MAGI3: variants seen among roughly 807,000 people sequenced by gnomAD.
MAGI3 encodes the protein membrane-associated guanylate kinase, WW and PDZ domain-containing protein 3.
MAGI3 carries 43 observed loss-of-function variants against 121.8 expected under a neutral mutation model. That is an observed-to-expected ratio of 0.35 (90% confidence interval 0.28 to 0.46). MAGI3 has a LOEUF of 0.46. Ranked by LOEUF, MAGI3 falls within the 20% of genes least tolerant of loss-of-function variation. The pLI, the probability that MAGI3 is intolerant of heterozygous loss-of-function variation, is 1.00. For synonymous variants in MAGI3, 553 were observed against 639.3 expected (o/e 0.86, Z 2.04); for missense variants, 1,547 against 1,797.3 (o/e 0.86, Z 2.52).
intron 6 of MAGI3, among the ~76,000 whole-genome samples, chr1:113,607,055 C>T (rs1287018955): frequency 1.3e-5 from 2 of 152,106 alleles, no homozygotes; most frequent in East Asian, 3.8e-4. Flanking sequence ...TCACTACACA[C>T]TTGGATTATT....
At chr1:113,406,620 A>G (rs549473275) in intron 1 of MAGI3, among the ~76,000 whole-genome samples, 12 of 152,210 alleles carry the variant, frequency 7.9e-5, no homozygotes, top group South Asian at 6.2e-4. Flanking sequence ...ATCCAATATT[A>G]AAGTATTAAA....
intron 1 of MAGI3, among the ~76,000 whole-genome samples, chr1:113,490,475 C>T (rs1225772018): frequency 1.3e-5 from 2 of 152,102 alleles, no homozygotes; most frequent in Non-Finnish European, 2.9e-5. Flanking sequence ...AACTACATAA[C>T]AAGTCTGAAA....
chr1:113,637,172 A>T (rs1053694233), intron 9 of MAGI3, among the ~76,000 whole-genome samples: 32 of 151,850 alleles, frequency 2.1e-4, no homozygotes, highest in African/African-American at 7.7e-4. Context: ...ATGGGTCTTG[A>T]CTCTTTATCC....
intron 1 of MAGI3, among the ~76,000 whole-genome samples, chr1:113,494,319 C>T (rs1173906436): frequency 3.3e-5 from 5 of 152,020 alleles, no homozygotes; most frequent in South Asian, 2.1e-4. Context: ...GATGAGAACA[C>T]GTGGACACGG....
chr1:113,618,119 A>C (rs1345327466), intron 7 of MAGI3, among the ~76,000 whole-genome samples: 1 of 152,092 alleles, frequency 6.6e-6, no homozygotes, highest in African/African-American at 2.4e-5. Context: ...AATGTTTACA[A>C]ATGGCAAAGC....
intron 7 of MAGI3, among the ~76,000 whole-genome samples, chr1:113,615,845 TC>T (rs1650426758): frequency 6.6e-6 from 1 of 152,202 alleles, no homozygotes; most frequent in Non-Finnish European, 1.5e-5. Flanking sequence ...TATTATTTTT[TC>T]CTAAGACTTA....
At chr1:113,669,251 G>A (rs1045945011) in intron 16 of MAGI3, among the ~76,000 whole-genome samples, 2 of 152,176 alleles carry the variant, frequency 1.3e-5, no homozygotes, top group African/African-American at 4.8e-5. Context: ...AAGCAAATGT[G>A]GAAGAACTTA....
intron 1 of MAGI3, among the ~76,000 whole-genome samples, chr1:113,423,810 T>C (rs1175370073): frequency 6.7e-6 from 1 of 148,490 alleles, no homozygotes; most frequent in Admixed American, 6.7e-5. Flanking sequence ...GGAATCTGTC[T>C]GCCAGGAGCC....
At chr1:113,403,949 A>T (rs771613141) in intron 1 of MAGI3, 1 of 152,178 alleles carries the variant, frequency 6.6e-6, no homozygotes, top group Non-Finnish European at 1.5e-5. Flanking sequence ...TAGTATATTA[A>T]TTACAATTTA....
At position 113,562,541 on chromosome 1, in the gene MAGI3, A is replaced by G. The variant is rs1026404402; in HGVS notation, c.433+12910A>G. Among the ~76,000 whole-genome samples the G allele has an allele frequency of 4.6e-5, 7 of 152,250 alleles. No homozygotes were observed. In the South Asian group the frequency reaches 1.4e-3, roughly 31 times the overall value. ...TCAGTGCTATTCCCATTAAACTAAC[A>G]TTGACATTCTTCACAGAATTAGAAA... On this transcript the variant is annotated intron_variant, in intron 2 of 20. Transcript: ENST00000307546.
At chr1:113,635,302 C>T (rs920672705) in intron 9 of MAGI3, among the ~76,000 whole-genome samples, 17 of 152,232 alleles carry the variant, frequency 1.1e-4, no homozygotes, top group Non-Finnish European at 1.8e-4. Flanking sequence ...CCTGTCTTGG[C>T]GAGTTTTCAA....
chr1:113,685,067 T>G lies in MAGI3; in HGVS notation c.*1053T>G, dbSNP rs1280464036. 6.6e-6 allele frequency: 1 copy of G among 152,356 alleles called. No individual in the cohort carries two copies. Among genetic ancestry groups the G allele is most frequent in the African/African-American group, 2.4e-5 (1 of 41,456 alleles). The allele number at this position is 152,356 out of a possible 1,614,324, so 9.4% of individuals were successfully genotyped here. ...CAAGCTTGGGTGTTTAAAAACAACC[T>G]GTGTAGGGTATGCCCAGCAAATGAG... On this transcript the variant is annotated 3_prime_UTR_variant, in exon 21 of 21. Transcript: ENST00000307546.
intron 1 of MAGI3, among the ~76,000 whole-genome samples, chr1:113,512,812 A>G (rs1657686388): frequency 1.3e-5 from 2 of 152,176 alleles, no homozygotes; most frequent in East Asian, 1.9e-4. Context: ...AGGGTATTCA[A>G]TTAGGAAAAG....
At chr1:113,483,021 C>G (rs958092867) in intron 1 of MAGI3, among the ~76,000 whole-genome samples, 16 of 151,978 alleles carry the variant, frequency 1.1e-4, no homozygotes, top group Non-Finnish European at 2.1e-4. Flanking sequence ...TTGCCACTTT[C>G]TGTTTTCGAA....
intron 9 of MAGI3, among the ~76,000 whole-genome samples, chr1:113,640,307 T>C (rs1652375022): frequency 6.6e-6 from 1 of 152,214 alleles, no homozygotes; most frequent in East Asian, 1.9e-4. Flanking sequence ...TCAATTAATG[T>C]GGAAGACAGT....
At chr1:113,653,113 G>T (rs1477505264) in intron 14 of MAGI3, among the ~76,000 whole-genome samples, 1 of 152,166 alleles carries the variant, frequency 6.6e-6, no homozygotes, top group Non-Finnish European at 1.5e-5. Context: ...TTATAATGGG[G>T]CAGCATTTCT....
At chr1:113,482,186 A>G (rs925268726) in intron 1 of MAGI3, among the ~76,000 whole-genome samples, 1 of 152,118 alleles carries the variant, frequency 6.6e-6, no homozygotes, top group East Asian at 1.9e-4. Context: ...GATACTCAGA[A>G]GACAGGAGAG....
At chr1:113,482,510 T>A (rs1025106971) in intron 1 of MAGI3, among the ~76,000 whole-genome samples, 1 of 151,998 alleles carries the variant, frequency 6.6e-6, no homozygotes, top group Non-Finnish European at 1.5e-5. Context: ...CTAATTTTTT[T>A]ATTTTTCATA....
intron 3 of MAGI3, among the ~76,000 whole-genome samples, chr1:113,584,967 C>CTTTTT (rs58296325): frequency 2.2e-5 from 3 of 135,724 alleles, no homozygotes; most frequent in Non-Finnish European, 3.0e-5. Flanking sequence ...TAGATATTTC[C>CTTTTT]TTTTTTTTTT....
Sources: allele counts gnomAD v4.1 joint callset (sites outside exome capture counted in the v4.1 genomes callset), GRCh38; gene constraint gnomAD v4.1.1; transcripts MANE v1.5; gene names NCBI Gene and HGNC (gene_info 2026-07-23, HGNC 2026-07-21).